Variants in KCND2 observed in about 807,000 individuals in gnomAD.
KCND2 encodes the protein potassium voltage-gated channel subfamily D member 2.
Under a neutral mutation model 54.4 loss-of-function variants are expected in KCND2, and 16 were observed. The ratio of observed to expected loss-of-function variants is 0.29; its 90% confidence interval spans 0.20 to 0.45. KCND2 has a LOEUF of 0.45. Among genes scored for constraint, KCND2 ranks in the 20% least tolerant of loss-of-function variants. The probability of loss-of-function intolerance (pLI) is 1.00; values close to 1 mark genes in which losing one functional copy is unlikely to be tolerated. For missense variants in KCND2, 486 were observed against 824.2 expected (o/e 0.59, Z 5.02); for synonymous variants, 317 against 310.7 (o/e 1.02, Z -0.21).
At chr7:120,702,639 A>G (rs1792417914) in intron 1 of KCND2, among the ~76,000 whole-genome samples, 1 of 152,190 alleles carries the variant, frequency 6.6e-6, no homozygotes, top group African/African-American at 2.4e-5. Flanking sequence ...TGTTCTTTGC[A>G]GGAACATGGA....
intron 1 of KCND2, among the ~76,000 whole-genome samples, chr7:120,673,474 T>C (rs1035118132): frequency 2.6e-5 from 4 of 152,112 alleles, no homozygotes; most frequent in South Asian, 2.1e-4. Context: ...GGAGTTATCA[T>C]TGGTACATTC....
chr7:120,556,443 A>G (rs1032260416), intron 1 of KCND2, among the ~76,000 whole-genome samples: 1 of 152,242 alleles, frequency 6.6e-6, no homozygotes, highest in Non-Finnish European at 1.5e-5. Flanking sequence ...GAAGCACAGG[A>G]GAAGTCAGCT....
At chr7:120,354,579 A>C (rs985053679) in intron 1 of KCND2, among the ~76,000 whole-genome samples, 1 of 152,236 alleles carries the variant, frequency 6.6e-6, no homozygotes, top group African/African-American at 2.4e-5. Context: ...GACTATCCAC[A>C]GTTATCTGAG....
intron 1 of KCND2, among the ~76,000 whole-genome samples, chr7:120,613,032 T>C (rs16870516): frequency 0.067 from 10,177 of 151,908 alleles, 410 homozygotes; most frequent in African/African-American, 0.11. Context: ...TCCATAGAAT[T>C]TGGGAGAGGT....
In KCND2 at chr7:120,671,155, A is replaced by G. The variant is rs149553669; in HGVS notation, c.1116-61748A>G. 3.3e-5 allele frequency among the ~76,000 whole-genome samples: 5 copies of G among 152,130 alleles called. No individual in the cohort carries two copies. In the East Asian group the frequency reaches 9.7e-4, roughly 29 times the overall value. On this transcript the variant is annotated intron_variant, in intron 1 of 5. Coordinates refer to ENST00000331113, the MANE Select transcript of KCND2 (RefSeq NM_012281.3). ...TGTTTACCAAGTGTGCTAGCCATAA[A>G]ATTCTCCACAAATGCCATAGATCGG...
intron 1 of KCND2, among the ~76,000 whole-genome samples, chr7:120,616,330 A>G (rs1046779750): frequency 1.3e-5 from 2 of 152,216 alleles, no homozygotes; most frequent in Non-Finnish European, 2.9e-5. Context: ...TGAGGATTAA[A>G]TGAGGTAACA....
At position 120,642,577 on chromosome 7, in the gene KCND2, AAT is replaced by A. The variant is rs200503692; in HGVS notation, c.1116-90313_1116-90312del. Among the ~76,000 whole-genome samples the A allele has an allele frequency of 5.8e-3, 868 of 148,542 alleles. 3 individuals are homozygous for A. The highest frequency in any genetic ancestry group is 1.0e-2 in the African/African-American group (404 of 40,468). The stretch of plus-strand genomic sequence containing the variant: ...TCAATAAAAATAAAAAATAAAAAAA[AAT>A]ATATATATATATGTAGATATAATTA... On this transcript the variant is annotated intron_variant, in intron 1 of 5. Coordinates refer to ENST00000331113, the MANE Select transcript of KCND2 (RefSeq NM_012281.3).
At chr7:120,536,939 T>G (rs879426505) in intron 1 of KCND2, among the ~76,000 whole-genome samples, 1 of 152,214 alleles carries the variant, frequency 6.6e-6, no homozygotes, top group African/African-American at 2.4e-5. Flanking sequence ...GATCAACTTC[T>G]TTTAAATTCC....
chr7:120,361,495 C>T (rs1200533568), intron 1 of KCND2, among the ~76,000 whole-genome samples: 1 of 151,810 alleles, frequency 6.6e-6, no homozygotes, highest in Non-Finnish European at 1.5e-5. Flanking sequence ...AATAAATCAC[C>T]TTCCTGTGCT....
At chr7:120,485,753 T>C (rs183697710) in intron 1 of KCND2, among the ~76,000 whole-genome samples, 1 of 150,710 alleles carries the variant, frequency 6.6e-6, no homozygotes, top group African/African-American at 2.5e-5. Context: ...ATGGGTCTTA[T>C]TTATTATTCT....
intron 1 of KCND2, among the ~76,000 whole-genome samples, chr7:120,402,150 T>C (rs1285316449): frequency 6.6e-6 from 1 of 152,226 alleles, no homozygotes; most frequent in African/African-American, 2.4e-5. Flanking sequence ...AAGATTCTAA[T>C]GCTTTGTATT....
At chr7:120,540,958 C>A (rs745336785) in intron 1 of KCND2, among the ~76,000 whole-genome samples, 6 of 152,070 alleles carry the variant, frequency 3.9e-5, no homozygotes, top group Admixed American at 6.6e-5. Context: ...TTTTAAATGT[C>A]TTTTCAATTT....
intron 1 of KCND2, among the ~76,000 whole-genome samples, chr7:120,689,546 A>T (rs1010063469): frequency 6.6e-6 from 1 of 152,232 alleles, no homozygotes; most frequent in African/African-American, 2.4e-5. Flanking sequence ...ACCACTAGTC[A>T]TAAAATGTAA....
intron 1 of KCND2, among the ~76,000 whole-genome samples, chr7:120,333,832 G>T (rs180958388): frequency 2.0e-5 from 3 of 152,122 alleles, no homozygotes; most frequent in Admixed American, 2.0e-4. Context: ...CTGTGGCATG[G>T]GTTTGTAGAT....
At chr7:120,394,535 A>G (rs550328839) in intron 1 of KCND2, among the ~76,000 whole-genome samples, 12 of 152,132 alleles carry the variant, frequency 7.9e-5, no homozygotes, top group African/African-American at 2.9e-4. Flanking sequence ...ATTTTAGCAG[A>G]CCTTCAGGAC....
At chr7:120,583,037 G>T (rs1410811009) in intron 1 of KCND2, among the ~76,000 whole-genome samples, 4 of 151,994 alleles carry the variant, frequency 2.6e-5, no homozygotes, top group Non-Finnish European at 1.5e-5. Context: ...CTGAAGGACA[G>T]AAAGTATATT....
chr7:120,436,963 ACT>A (rs1416484447), intron 1 of KCND2, among the ~76,000 whole-genome samples: 1 of 151,408 alleles, frequency 6.6e-6, no homozygotes, highest in Non-Finnish European at 1.5e-5. Context: ...TCAGTAAAGC[ACT>A]CTCTTTCTCA....
intron 1 of KCND2, among the ~76,000 whole-genome samples, chr7:120,392,719 C>A (rs1388086897): frequency 1.3e-5 from 2 of 151,904 alleles, no homozygotes; most frequent in Admixed American, 1.3e-4. Context: ...AACTGCTCCC[C>A]CAGAACTGCC....
intron 1 of KCND2, among the ~76,000 whole-genome samples, chr7:120,527,315 C>T (rs891170376): frequency 6.6e-6 from 1 of 151,984 alleles, no homozygotes; most frequent in Admixed American, 6.6e-5. Context: ...AAAACATTTC[C>T]AGGGTTATAT....
Sources: allele counts gnomAD v4.1 joint callset (sites outside exome capture counted in the v4.1 genomes callset), GRCh38; gene constraint gnomAD v4.1.1; transcripts MANE v1.5; gene names NCBI Gene and HGNC (gene_info 2026-07-23, HGNC 2026-07-21).